The following PARP4 variants were observed in gnomAD, a reference collection of about 807,000 sequenced individuals.
The protein encoded by PARP4 is poly(ADP-ribose) polymerase family member 4.
Under a neutral mutation model 187.7 loss-of-function variants are expected in PARP4, and 120 were observed. The observed-to-expected ratio is 0.64, with a 90% CI of 0.55 to 0.74. The LOEUF is 0.74. Among genes scored for constraint, PARP4 ranks in the 30% least tolerant of loss-of-function variants. PARP4 has a pLI of 0.00. For missense variants in PARP4, 1,836 were observed against 2,070.5 expected (o/e 0.89, Z 2.20); for synonymous variants, 654 against 740.9 (o/e 0.88, Z 1.90).
chr13:24,476,587 G>A (rs1206481174), intron 14 of PARP4, among the ~76,000 whole-genome samples: 1 of 152,122 alleles, frequency 6.6e-6, no homozygotes, highest in African/African-American at 2.4e-5. Context: ...TACAGATAAG[G>A]TTAGGAAATA....
intron 15 of PARP4, among the ~76,000 whole-genome samples, chr13:24,473,516 T>A (rs1872825335): frequency 6.6e-6 from 1 of 151,584 alleles, no homozygotes; most frequent in Admixed American, 6.6e-5. Flanking sequence ...TAGAGAAGGG[T>A]ATAGAGAAGG....
chr13:24,454,719 G>C (rs962545932), intron 22 of PARP4, among the ~76,000 whole-genome samples: 3 of 152,040 alleles, frequency 2.0e-5, no homozygotes, highest in African/African-American at 7.3e-5. Context: ...ACATACATTA[G>C]CTCAATCCTC....
chr13:24,452,290 T>C lies in PARP4; in HGVS notation c.3014+116A>G, dbSNP rs1871560694. 1.4e-5 allele frequency: 12 copies of C among 830,906 alleles called. No homozygotes were observed. In the South Asian group the frequency reaches 2.0e-4, roughly 14 times the overall value. 51.5% of individuals were successfully genotyped at this position (830,906 alleles called of 1,614,324 possible). A position where few individuals can be genotyped will look rare whatever the true frequency, so the allele number is the denominator to read the frequency against. ...GGGAGCCCGGAGCCCCATCCCTCTA[T>C]GCTGTAAGGCTTCTGTATTCTAGTG... On this transcript the variant is annotated intron_variant, in intron 24 of 33. Transcript: ENST00000381989.
At position 24,460,126 on chromosome 13, in the gene PARP4, G is replaced by A; in HGVS notation, c.2144C>T (p.Thr715Ile). Reference sequence around the variant, plus strand: ...AGGGGGTAAGTTTCCAACACTTACAGTAAAAACGTCCTGAAACAGAAACAT... The same window carrying A: ...AGGGGGTAAGTTTCCAACACTTACAATAAAAACGTCCTGAAACAGAAACAT... ...LMSQDAPDVF[T>I]VSVGNLPPKA... Residue 715 changes from threonine (T) to isoleucine (I), a missense_variant, in exon 18 of 34, where the codon ACT becomes ATT. Thr to Ile is a moderately conservative substitution (Grantham distance 89). Transcript: ENST00000381989. 6.2e-7 allele frequency: 1 copy of A among 1,612,192 alleles called. No homozygotes were observed. The highest frequency in any genetic ancestry group is 8.5e-7 in the Non-Finnish European group (1 of 1,179,286).
In PARP4 at chr13:24,493,621, G is replaced by A; in HGVS notation, c.854C>T (p.Pro285Leu). Residue 285 changes from proline to leucine, a missense_variant, in exon 8 of 34, where the codon CCA (proline) becomes CTA (leucine). By Grantham distance (98) the Pro-to-Leu change is moderately conservative. This residue lies in a region of PARP4 where 1,147 missense variants were observed against 1,214.2 expected (regional missense o/e 0.94). Coordinates refer to ENST00000381989, the MANE Select transcript of PARP4 (RefSeq NM_006437.4). ...ATCGTTGAGGCTAATCCTGTTCACT[G>A]GCTTGAGAAGCATGTGTTCCAGGTG... ...LGHLEHMLLKPVNRISLNDVS... is the reference protein window; with the variant it reads ...LGHLEHMLLKLVNRISLNDVS... 1 of 1,613,438 alleles carries A rather than the reference G, an allele frequency of 6.2e-7. No individual in the cohort carries two copies. The highest frequency in any genetic ancestry group is 8.5e-7 in the Non-Finnish European group (1 of 1,179,838).
At chr13:24,511,265 A>G (rs1870006422) in intron 1 of PARP4, among the ~76,000 whole-genome samples, 1 of 152,090 alleles carries the variant, frequency 6.6e-6, no homozygotes, top group Admixed American at 6.5e-5. Flanking sequence ...CTGGGTTAAC[A>G]GCGCCTAACC....
At chr13:24,496,304 TTGGACACA>T (rs757044653) in intron 6 of PARP4, among the ~76,000 whole-genome samples, 35 of 152,200 alleles carry the variant, frequency 2.3e-4, no homozygotes, top group Non-Finnish European at 3.5e-4. Flanking sequence ...TTTCTCCTTC[TTGGACACA>T]TTTGACCATG....
At chr13:24,508,155 C>G (rs1253476975) in intron 1 of PARP4, among the ~76,000 whole-genome samples, 2 of 151,662 alleles carry the variant, frequency 1.3e-5, no homozygotes, top group African/African-American at 2.4e-5. Flanking sequence ...CTATGCTAGT[C>G]GTAATCTCTG....
At chr13:24,437,022 G>A (rs1870670622) in intron 30 of PARP4, among the ~76,000 whole-genome samples, 3 of 152,092 alleles carry the variant, frequency 2.0e-5, no homozygotes, top group Admixed American at 6.6e-5. Context: ...AGATATTAAA[G>A]TCTCTTATAA....
At chr13:24,474,988 G>A (rs977692466) in intron 15 of PARP4, among the ~76,000 whole-genome samples, 9 of 152,266 alleles carry the variant, frequency 5.9e-5, no homozygotes, top group African/African-American at 2.2e-4. Flanking sequence ...TCTGAGCCTT[G>A]GCATGTGATG....
Position 24,494,662 on chromosome 13 carries a change from A to G in PARP4, c.652T>C (p.Tyr218His), listed in dbSNP as rs141335603. Residue 218 changes from tyrosine (Y) to histidine (H), a missense_variant, in exon 7 of 34, where the codon TAC (tyrosine) becomes CAC (histidine). Tyr to His is a moderately conservative substitution (Grantham distance 83). Coordinates refer to ENST00000381989, the MANE Select transcript of PARP4 (RefSeq NM_006437.4). ...SEDASEYFEN[Y>H]IEELKKQGFL... ...CCTTGTTTCTTCAGTTCTTCAATGT[A>G]ATTTTCAAAGTATTCACTTGCATCT... 2.9e-4 allele frequency: 474 copies of G among 1,610,022 alleles called. No individual in the cohort carries two copies. The highest frequency in any genetic ancestry group is 1.2e-3 in the Middle Eastern group (7 of 6,050).
intron 1 of PARP4, among the ~76,000 whole-genome samples, chr13:24,506,191 C>G (rs1025549407): frequency 3.3e-5 from 5 of 151,746 alleles, no homozygotes; most frequent in Non-Finnish European, 5.9e-5. Flanking sequence ...GCCGCAGACC[C>G]TCGCAGTGAG....
At chr13:24,468,918 A>C (rs1872611829) in intron 17 of PARP4, 106 bp downstream of exon 17, 1 of 866,352 alleles carries the variant, frequency 1.2e-6, no homozygotes, top group Non-Finnish European at 1.9e-6. Context: ...TGGGGCCTAC[A>C]ACAGTGCAAA....
In PARP4 at chr13:24,498,241, G is replaced by A. The variant is rs1566019950; in HGVS notation, c.478-12C>T. On this transcript the variant is annotated splice_polypyrimidine_tract_variant and intron_variant, in intron 5 of 33. Transcript: ENST00000381989. ...CCCTCCATTCCCACCTGGAAAACAG[G>A]ATGTGCTTTCAGAAGCTGCACTCGG... 1 of 1,588,230 alleles carries A rather than the reference G, an allele frequency of 6.3e-7. No individual in the cohort carries two copies. Among genetic ancestry groups the A allele is most frequent in the Non-Finnish European group, 8.6e-7 (1 of 1,158,004 alleles).
intron 20 of PARP4, among the ~76,000 whole-genome samples, chr13:24,457,570 G>C (rs1871931830): frequency 6.6e-6 from 1 of 152,080 alleles, no homozygotes; most frequent in South Asian, 2.1e-4. Flanking sequence ...TCAGGAGTTT[G>C]AGACCAGCCT....
rs1191869131 is a variant in PARP4, at chr13:24,486,217, G to A, written c.1303C>T (p.Pro435Ser). 1 of 1,613,634 alleles carries A rather than the reference G, an allele frequency of 6.2e-7. No individual in the cohort carries two copies. The highest frequency in any genetic ancestry group is 1.3e-5 in the African/African-American group (1 of 75,010). The part of the protein sequence containing the change: ...EFLSKLGNVR[P>S]LLHGSPVQNI... Reference sequence around the variant, plus strand: ...TGTACAGGAGAACCATGCAACAAGGGCCTCACATTACCAAGTTTGCTCAAA... The same window carrying A: ...TGTACAGGAGAACCATGCAACAAGGACCTCACATTACCAAGTTTGCTCAAA... Residue 435 changes from proline to serine, a missense_variant, in exon 11 of 34, where the codon CCC becomes TCC. Transcript: ENST00000381989.
intron 21 of PARP4, among the ~76,000 whole-genome samples, chr13:24,455,419 A>C (rs1871770647): frequency 6.6e-6 from 1 of 150,638 alleles, no homozygotes; most frequent in South Asian, 2.1e-4. Flanking sequence ...TTCTGACATA[A>C]ACTTCTGAGA....
chr13:24,488,130 G>T (rs569672599), intron 10 of PARP4, among the ~76,000 whole-genome samples: 46 of 152,146 alleles, frequency 3.0e-4, no homozygotes, highest in African/African-American at 9.1e-4. Flanking sequence ...GGGGCGGCTC[G>T]CCAAGGGCTT....
At chr13:24,489,776 G>C (rs73154358) in intron 10 of PARP4, among the ~76,000 whole-genome samples, 21 of 152,132 alleles carry the variant, frequency 1.4e-4, no homozygotes, top group Non-Finnish European at 2.6e-4. Context: ...GGTTTTAGTG[G>C]GGCTCTGGAA....
Sources: gnomAD v4.1 joint callset for allele counts (sites outside exome capture counted in the v4.1 genomes callset) on GRCh38, gnomAD v4.1.1 for gene constraint, gnomAD v4.1.1 regional missense constraint, MANE v1.5 for transcripts, NCBI Gene and HGNC (gene_info 2026-07-23, HGNC 2026-07-21) for gene names.